GLT8D2: variants seen among roughly 807,000 people sequenced by gnomAD.
The protein encoded by GLT8D2 is glycosyltransferase 8 domain containing 2, also known as glycosyltransferase 8 domain-containing protein 2.
GLT8D2 carries 45 observed loss-of-function variants against 44.5 expected under a neutral mutation model. The observed-to-expected ratio is 1.01, with a 90% CI of 0.80 to 1.30. GLT8D2 has a LOEUF of 1.30. Among genes scored for constraint, GLT8D2 ranks in the 50% most tolerant of loss-of-function variants. The probability of loss-of-function intolerance (pLI) is 0.00; values close to 1 mark genes in which losing one functional copy is unlikely to be tolerated. For missense variants in GLT8D2, 400 were observed against 430.4 expected, an observed-to-expected ratio of 0.93 and a Z score of 0.62; for synonymous variants, 156 against 157.2, an observed-to-expected ratio of 0.99 and a Z score of 0.06.
chr12:104,004,720 C>T (rs1250381662), intron 4 of GLT8D2, among the ~76,000 whole-genome samples: 8 of 151,958 alleles, frequency 5.3e-5, no homozygotes, highest in African/African-American at 1.2e-4. Context: ...ACTGCCTCAT[C>T]GAAATAAAAG....
rs577256009 is a variant in GLT8D2 at position 104,060,517 on chromosome 12, G to A, written c.-423+3432C>T. ...AAAAGACATGCTGAAGCCTTAACCC[G>A]CTGTACCTATGAATATGACTTTATT... On this transcript the variant is annotated intron_variant, in intron 1 of 10. Transcript: ENST00000548660. Among the ~76,000 whole-genome samples the A allele has an allele frequency of 3.9e-5, 6 of 152,222 alleles. No homozygotes were observed. The East Asian group carries it at 7.7e-4, about 20-fold the overall frequency.
intron 1 of GLT8D2, among the ~76,000 whole-genome samples, chr12:104,061,008 T>C (rs937530971): frequency 1.3e-5 from 2 of 152,004 alleles, no homozygotes; most frequent in African/African-American, 2.4e-5. Context: ...GAGTGATTCA[T>C]TGACAAGTCA....
chr12:104,038,634 C>A (rs1017312210), intron 1 of GLT8D2, among the ~76,000 whole-genome samples: 1 of 151,518 alleles, frequency 6.6e-6, no homozygotes, highest in Non-Finnish European at 1.5e-5. Flanking sequence ...CACTGCTCAA[C>A]GAAATAAAAG....
At chr12:103,995,406 C>A (rs868722431) in intron 8 of GLT8D2, among the ~76,000 whole-genome samples, 2 of 152,214 alleles carry the variant, frequency 1.3e-5, no homozygotes, top group South Asian at 2.1e-4. Context: ...GCCTCAAGAT[C>A]TTTACACTTG....
rs1211918360 is a variant in GLT8D2, at chr12:103,988,999, A to G, written c.*409T>C. The stretch of plus-strand genomic sequence containing the variant: ...ATGATAAAAATCATAAAAATGATGA[A>G]TATTTTATTTTTCAGACGTCCATAT... On this transcript the variant is annotated 3_prime_UTR_variant, in exon 11 of 11. Transcript: ENST00000360814. The G allele has an allele frequency of 6.5e-6, 1 of 153,342 alleles. No individual in the cohort carries two copies. The highest frequency in any genetic ancestry group is 2.1e-4 in the South Asian group (1 of 4,858). The allele number at this position is 153,342 out of a possible 1,614,324, so 9.5% of individuals were successfully genotyped here.
chr12:104,022,336 C>T (rs541862063), intron 1 of GLT8D2, among the ~76,000 whole-genome samples: 4 of 152,090 alleles, frequency 2.6e-5, no homozygotes, highest in African/African-American at 7.2e-5. Flanking sequence ...GAAAGAGATC[C>T]CTGGAAGAAA....
At chr12:104,031,689 C>A in intron 1 of GLT8D2, 1 of 658,228 alleles carries the variant, frequency 1.5e-6, no homozygotes, top group Non-Finnish European at 2.6e-6. Context: ...CTCCCATTTT[C>A]ATTTTAGCCA....
chr12:104,051,387 ATCATT>A (rs1222824955), upstream of GLT8D2, among the ~76,000 whole-genome samples: 5 of 152,208 alleles, frequency 3.3e-5, no homozygotes, highest in African/African-American at 1.2e-4. Flanking sequence ...ACAAGATGTT[ATCATT>A]TCAACACATA....
intron 1 of GLT8D2, among the ~76,000 whole-genome samples, chr12:104,058,857 A>AG (rs1397829578): frequency 3.9e-5 from 6 of 152,316 alleles, no homozygotes; most frequent in African/African-American, 1.4e-4. Context: ...CCCTTACCCA[A>AG]GGGGGATACA....
intron 8 of GLT8D2, among the ~76,000 whole-genome samples, chr12:103,995,231 G>A (rs1026997471): frequency 6.6e-6 from 1 of 152,014 alleles, no homozygotes; most frequent in Non-Finnish European, 1.5e-5. Flanking sequence ...TCTCCTCTAA[G>A]CTCCTCCAAT....
chr12:103,991,130 C>T (rs751494312), intron 10 of GLT8D2, among the ~76,000 whole-genome samples: 5 of 152,136 alleles, frequency 3.3e-5, no homozygotes, highest in Non-Finnish European at 7.4e-5. Flanking sequence ...CAAAGAAAAA[C>T]GACATCTTTC....
chr12:104,007,233 G>GCTCTCT (rs57109528), intron 4 of GLT8D2, among the ~76,000 whole-genome samples: 8,227 of 66,200 alleles, frequency 0.12, 938 homozygotes, highest in Middle Eastern at 0.17. Flanking sequence ...TATACTTAAA[G>GCTCTCT]CTCTCTCTCT....
At chr12:104,027,232 A>G (rs905676515) in intron 1 of GLT8D2, among the ~76,000 whole-genome samples, 2 of 152,194 alleles carry the variant, frequency 1.3e-5, no homozygotes, top group Non-Finnish European at 2.9e-5. Flanking sequence ...ACAGCACACT[A>G]CTTAGGATTT....
intron 3 of GLT8D2, among the ~76,000 whole-genome samples, chr12:104,016,760 AAAGAAAGAAAGAAAG>A (rs1183028934): frequency 1.7e-4 from 18 of 102,978 alleles, no homozygotes; most frequent in Admixed American, 7.6e-4. Flanking sequence ...AGAAAGAAAG[AAAGAAAGAAAGAAAG>A]AAGGAAGGAA....
At chr12:104,020,233 T>C (rs997303292) in intron 2 of GLT8D2, among the ~76,000 whole-genome samples, 4 of 152,148 alleles carry the variant, frequency 2.6e-5, no homozygotes, top group African/African-American at 9.7e-5. Context: ...AGAATTTTTT[T>C]TAACCTCTTG....
chr12:104,019,253 G>A (rs191921396), intron 3 of GLT8D2, among the ~76,000 whole-genome samples: 2,084 of 150,816 alleles, frequency 0.014, 114 homozygotes, highest in Admixed American at 0.1. Context: ...TCAGCCTCCC[G>A]AGTAGCTGAG....
intron 6 of GLT8D2, 138 bp downstream of exon 6, chr12:103,999,259 A>G: frequency 3.3e-6 from 2 of 610,324 alleles, no homozygotes; most frequent in East Asian, 2.5e-5. Flanking sequence ...TAAATTATAC[A>G]TAAGCGGAGT....
At position 104,019,876 on chromosome 12, in the gene GLT8D2, A is replaced by C. The variant is rs146960391; in HGVS notation, c.-28-200T>G. ...AAAAGCAATGCCTCTGGTTGAACAA[A>C]CCTTACTAAGGGTCCTCAAAAGCTA... On this transcript the variant is annotated intron_variant, in intron 2 of 10. Transcript: ENST00000360814. Among the ~76,000 whole-genome samples the C allele has an allele frequency of 1.5e-3, 223 of 152,102 alleles. 2 individuals carry two copies. Among genetic ancestry groups the C allele is most frequent in the African/African-American group, 5.1e-3 (210 of 41,498 alleles).
intron 6 of GLT8D2, 71 bp downstream of exon 6, chr12:103,999,326 G>A: frequency 1.3e-6 from 1 of 792,260 alleles, no homozygotes; most frequent in East Asian, 2.5e-5. Context: ...GCATCCCGGT[G>A]ACTAGCACTC....
Sources: allele counts gnomAD v4.1 joint callset (sites outside exome capture counted in the v4.1 genomes callset), GRCh38; gene constraint gnomAD v4.1.1; transcripts MANE v1.5; gene names NCBI Gene and HGNC (gene_info 2026-07-23, HGNC 2026-07-21).